Variants in IMMP1L observed in about 807,000 individuals in gnomAD.
The protein encoded by IMMP1L is mitochondrial inner membrane protease subunit 1.
In IMMP1L, 24 loss-of-function variants were observed where a neutral mutation model predicts 21.8. The ratio of observed to expected loss-of-function variants is 1.10; its 90% CI spans 0.80 to 1.55. The LOEUF (loss-of-function observed/expected upper bound fraction) is 1.55. Among genes scored for constraint, IMMP1L ranks in the 40% most tolerant of loss-of-function variants. The pLI, the probability that IMMP1L is intolerant of heterozygous loss-of-function variation, is 0.00. For missense variants in IMMP1L, 195 were observed against 200.7 expected, an observed-to-expected ratio of 0.97 and a Z score of 0.17; for synonymous variants, 46 against 62.8, an observed-to-expected ratio of 0.73 and a Z score of 1.26.
intron 1 of IMMP1L, among the ~76,000 whole-genome samples, chr11:31,489,589 C>T (rs570697601): frequency 8.2e-5 from 12 of 145,580 alleles, no homozygotes; most frequent in South Asian, 6.7e-4. Context: ...TCATCTTTTG[C>T]TCTCCTTAGT....
chr11:31,491,401 C>T (rs909193676), intron 1 of IMMP1L, among the ~76,000 whole-genome samples: 3 of 152,134 alleles, frequency 2.0e-5, no homozygotes, highest in Non-Finnish European at 2.9e-5. Context: ...AAATGAAGAA[C>T]ATGGTATTGG....
chr11:31,501,473 C>A (rs1955616091), intron 1 of IMMP1L, among the ~76,000 whole-genome samples: 1 of 152,106 alleles, frequency 6.6e-6, no homozygotes, highest in African/African-American at 2.4e-5. Context: ...GCAAGGACAC[C>A]CTCGCTGGAT....
At chr11:31,461,804 C>G (rs2133661525) in intron 2 of IMMP1L, among the ~76,000 whole-genome samples, 1 of 152,232 alleles carries the variant, frequency 6.6e-6, no homozygotes, top group East Asian at 1.9e-4. Flanking sequence ...CTTCTGGTCC[C>G]AAGCATTTCA....
intron 1 of IMMP1L, among the ~76,000 whole-genome samples, chr11:31,499,938 T>TTAAA (rs34485904): frequency 0.19 from 26,750 of 140,014 alleles, 2,624 homozygotes; most frequent in Middle Eastern, 0.26. Flanking sequence ...GGCTAACTTC[T>TTAAA]TAAATAAATA....
chr11:31,470,854 A>G (rs1954524378), intron 1 of IMMP1L, among the ~76,000 whole-genome samples: 1 of 152,262 alleles, frequency 6.6e-6, no homozygotes, highest in South Asian at 2.1e-4. Flanking sequence ...CAATTATGTT[A>G]GTGAAATAAG....
At chr11:31,473,250 C>T (rs1364252158) in intron 1 of IMMP1L, among the ~76,000 whole-genome samples, 1 of 152,098 alleles carries the variant, frequency 6.6e-6, no homozygotes, top group Non-Finnish European at 1.5e-5. Context: ...GGGATTTCAC[C>T]ATGTTAGCCA....
chr11:31,495,116 T>C (rs1955390150), intron 1 of IMMP1L, among the ~76,000 whole-genome samples: 1 of 152,206 alleles, frequency 6.6e-6, no homozygotes, highest in South Asian at 2.1e-4. Flanking sequence ...TTACCTTTGC[T>C]CCAGTTCCTA....
intron 1 of IMMP1L, among the ~76,000 whole-genome samples, chr11:31,491,731 C>T (rs1447857934): frequency 2.6e-5 from 4 of 152,196 alleles, no homozygotes; most frequent in African/African-American, 9.7e-5. Flanking sequence ...AAAACCTTTT[C>T]TGAAGAGATT....
At chr11:31,480,619 G>C (rs1954863280) in intron 1 of IMMP1L, among the ~76,000 whole-genome samples, 1 of 151,940 alleles carries the variant, frequency 6.6e-6, no homozygotes, top group South Asian at 2.1e-4. Context: ...ATGAAATTGA[G>C]ATATGAGTAT....
chr11:31,442,581 T>C (rs1187207859), intron 4 of IMMP1L, among the ~76,000 whole-genome samples: 2 of 152,206 alleles, frequency 1.3e-5, no homozygotes, highest in African/African-American at 4.8e-5. Context: ...AACACTTTAT[T>C]TGCCATATAT....
At chr11:31,433,890 A>G (rs1170540472) in intron 4 of IMMP1L, 1 of 186,266 alleles carries the variant, frequency 5.4e-6, no homozygotes, top group East Asian at 1.5e-4. Context: ...ATAGACTTCA[A>G]AAGAGGTCAT....
chr11:31,499,920 G>A (rs938775499), intron 1 of IMMP1L, among the ~76,000 whole-genome samples: 22 of 148,830 alleles, frequency 1.5e-4, no homozygotes, highest in Non-Finnish European at 2.1e-4. Context: ...AAAATCAGCA[G>A]TTCTGGAGGC....
intron 4 of IMMP1L, among the ~76,000 whole-genome samples, chr11:31,438,361 T>C (rs753744403): frequency 2.6e-5 from 4 of 152,208 alleles, no homozygotes; most frequent in East Asian, 3.8e-4. Flanking sequence ...CATTAAAATA[T>C]GTTGGCCATT....
At chr11:31,507,254 C>T (rs1368528265) in intron 1 of IMMP1L, among the ~76,000 whole-genome samples, 1 of 151,278 alleles carries the variant, frequency 6.6e-6, no homozygotes, top group Admixed American at 6.6e-5. Context: ...CACTCCAGCC[C>T]GGGGAACACA....
intron 4 of IMMP1L, among the ~76,000 whole-genome samples, chr11:31,453,588 G>T (rs1033714785): frequency 1.3e-5 from 2 of 152,092 alleles, no homozygotes; most frequent in African/African-American, 4.8e-5. Flanking sequence ...GAACATTTTG[G>T]CTATGTTTTC....
chr11:31,455,489 T>C (rs1953910359), intron 4 of IMMP1L, among the ~76,000 whole-genome samples: 1 of 152,196 alleles, frequency 6.6e-6, no homozygotes, highest in African/African-American at 2.4e-5. Context: ...TTACTGTTCT[T>C]GCACTTTTTC....
intron 4 of IMMP1L, among the ~76,000 whole-genome samples, chr11:31,440,067 C>T (rs1054947979): frequency 1.3e-5 from 2 of 152,156 alleles, no homozygotes; most frequent in East Asian, 1.9e-4. Context: ...CCATGGTAGT[C>T]GGATTTATAA....
intron 1 of IMMP1L, among the ~76,000 whole-genome samples, chr11:31,489,891 C>T (rs1345901106): frequency 1.3e-5 from 2 of 152,164 alleles, no homozygotes; most frequent in African/African-American, 2.4e-5. Flanking sequence ...TTGGAAGACA[C>T]ATCTAAATAT....
intron 1 of IMMP1L, among the ~76,000 whole-genome samples, chr11:31,496,848 C>G (rs1045046130): frequency 2.0e-4 from 30 of 147,074 alleles, no homozygotes; most frequent in African/African-American, 6.9e-4. Context: ...TTTTATATAT[C>G]TAAGAGTATA....
Sources: gnomAD v4.1 joint callset for allele counts (sites outside exome capture counted in the v4.1 genomes callset) on GRCh38, gnomAD v4.1.1 for gene constraint, MANE v1.5 for transcripts, NCBI Gene and HGNC (gene_info 2026-07-23, HGNC 2026-07-21) for gene names.